The following CSMD3 variants were observed in gnomAD, a reference collection of about 807,000 sequenced individuals.
The protein encoded by CSMD3 is CUB and Sushi multiple domains 3.
A neutral mutation model predicts 435.2 loss-of-function variants in CSMD3; 177 were observed. The observed-to-expected ratio is 0.41, with a 90% CI of 0.36 to 0.46. CSMD3 has a LOEUF of 0.46. Ranked by LOEUF, CSMD3 falls within the 20% of genes least tolerant of loss-of-function variation. CSMD3 has a pLI of 0.34. For synonymous variants in CSMD3, 1,656 were observed against 1,520.5 expected (o/e 1.09, Z -2.07); for missense variants, 4,265 against 4,504.6 (o/e 0.95, Z 1.52).
intron 3 of CSMD3, among the ~76,000 whole-genome samples, chr8:113,206,068 G>A (rs1380365373): frequency 3.3e-5 from 5 of 152,116 alleles, no homozygotes; most frequent in African/African-American, 1.2e-4. Context: ...CACTACAAGG[G>A]TAGAGCTGGT....
At chr8:112,827,459 A>C (rs2079732602) in intron 12 of CSMD3, among the ~76,000 whole-genome samples, 1 of 151,864 alleles carries the variant, frequency 6.6e-6, no homozygotes, top group Non-Finnish European at 1.5e-5. Flanking sequence ...GTTTTTAAGA[A>C]TCTGAACCTA....
chr8:113,154,237 T>C (rs1564371972), intron 4 of CSMD3, among the ~76,000 whole-genome samples: 1 of 152,038 alleles, frequency 6.6e-6, no homozygotes, highest in Non-Finnish European at 1.5e-5. Context: ...GTAGTGTAAT[T>C]ATTTTTTAGT....
At chr8:112,680,259 G>A (rs1448504213) in intron 16 of CSMD3, among the ~76,000 whole-genome samples, 2 of 152,196 alleles carry the variant, frequency 1.3e-5, no homozygotes, top group Non-Finnish European at 2.9e-5. Context: ...TCAGGAGGCT[G>A]AGGCACAAGA....
At chr8:112,239,440 G>A (rs373297124) in intron 66 of CSMD3, among the ~76,000 whole-genome samples, 13 of 151,810 alleles carry the variant, frequency 8.6e-5, no homozygotes, top group African/African-American at 2.4e-5. Flanking sequence ...ATCTTTATCC[G>A]AGTTATTAGA....
chr8:112,833,676 A>G (rs757987597), intron 11 of CSMD3, among the ~76,000 whole-genome samples: 14 of 150,230 alleles, frequency 9.3e-5, no homozygotes, highest in Non-Finnish European at 1.6e-4. Context: ...AATGCTTCCA[A>G]TATATATGTG....
intron 13 of CSMD3, among the ~76,000 whole-genome samples, chr8:112,778,125 C>G (rs911964182): frequency 6.6e-6 from 1 of 151,702 alleles, no homozygotes; most frequent in African/African-American, 2.4e-5. Flanking sequence ...TCATATACTC[C>G]CTGCCCTCCT....
intron 3 of CSMD3, among the ~76,000 whole-genome samples, chr8:113,215,454 T>G (rs117400618): frequency 0.03 from 4,499 of 152,022 alleles, 85 homozygotes; most frequent in Admixed American, 0.04. Flanking sequence ...TCAGTGAAAT[T>G]GCTAATCAAA....
chr8:113,231,247 C>T (rs949926182), intron 3 of CSMD3, among the ~76,000 whole-genome samples: 1 of 151,094 alleles, frequency 6.6e-6, no homozygotes, highest in African/African-American at 2.4e-5. Context: ...TTTTGTTATA[C>T]AGAAACAGAT....
At position 112,552,573 on chromosome 8, in the gene CSMD3, G is replaced by A. The variant is rs200981425; in HGVS notation, c.4361+21C>T. ...GCACTTCAGATTCCCTAGTAATGTT[G>A]AGAAAATGAAATTCATTTACCTGAC... On this transcript the variant is annotated intron_variant, in intron 26 of 70. Transcript: ENST00000297405. 1.1e-5 allele frequency: 18 copies of A among 1,607,906 alleles called. No individual in the cohort carries two copies. In the Middle Eastern group the frequency reaches 5.0e-4, roughly 44 times the overall value.
intron 16 of CSMD3, among the ~76,000 whole-genome samples, chr8:112,678,922 G>T (rs2075824190): frequency 6.6e-6 from 1 of 151,766 alleles, no homozygotes; most frequent in African/African-American, 2.4e-5. Context: ...CTGCGATAGT[G>T]CCCCAAAGAT....
intron 38 of CSMD3, among the ~76,000 whole-genome samples, chr8:112,369,662 T>TGAGAACACATGGACACAGGGAG (rs1397044840): frequency 2.0e-5 from 3 of 151,858 alleles, no homozygotes; most frequent in Non-Finnish European, 4.4e-5. Context: ...AGCTGAACAG[T>TGAGAACACATGGACACAGGGAG]GAGAACACAT....
intron 2 of CSMD3, among the ~76,000 whole-genome samples, chr8:113,278,970 T>A (rs1269947588): frequency 6.6e-6 from 1 of 151,654 alleles, no homozygotes; most frequent in Non-Finnish European, 1.5e-5. Flanking sequence ...ACAACTGATA[T>A]ACAATTCTTT....
At chr8:113,393,896 A>G (rs990047625) in intron 1 of CSMD3, among the ~76,000 whole-genome samples, 3 of 152,006 alleles carry the variant, frequency 2.0e-5, no homozygotes, top group Non-Finnish European at 4.4e-5. Context: ...ATGTGAAAAA[A>G]AGAGAAGAAT....
intron 38 of CSMD3, 115 bp downstream of exon 38, chr8:112,380,237 A>G (rs536681152): frequency 1.7e-6 from 1 of 596,948 alleles, no homozygotes; most frequent in Admixed American, 2.8e-5. Flanking sequence ...TCAAGAAAAT[A>G]AGACAATGTT....
intron 22 of CSMD3, among the ~76,000 whole-genome samples, chr8:112,621,408 T>G (rs1834063402): frequency 6.6e-6 from 1 of 152,114 alleles, no homozygotes; most frequent in African/African-American, 2.4e-5. Flanking sequence ...AACTTTCCCC[T>G]CCAGCTAGCA....
intron 30 of CSMD3, among the ~76,000 whole-genome samples, chr8:112,498,241 A>C (rs1459373336): frequency 2.0e-5 from 3 of 152,114 alleles, no homozygotes; most frequent in Non-Finnish European, 4.4e-5. Flanking sequence ...TACATGCATT[A>C]TCTCTGTCCT....
chr8:112,304,599 A>T (rs1821242905), intron 52 of CSMD3, 122 bp downstream of exon 52: 2 of 763,780 alleles, frequency 2.6e-6, no homozygotes, highest in Non-Finnish European at 4.5e-6. Flanking sequence ...TAACGAGAAT[A>T]AATGACCATA....
intron 10 of CSMD3, among the ~76,000 whole-genome samples, chr8:112,905,321 TACAC>T (rs1554715002): frequency 2.1e-5 from 3 of 145,582 alleles, no homozygotes; most frequent in Admixed American, 6.9e-5. Context: ...TATATATATA[TACAC>T]ACACACACAC....
intron 59 of CSMD3, among the ~76,000 whole-genome samples, chr8:112,266,383 G>A (rs78665140): frequency 0.028 from 4,290 of 152,260 alleles, 89 homozygotes; most frequent in Non-Finnish European, 0.042. Flanking sequence ...GTTGTCAGGA[G>A]CAAAAGGTCT....
Sources: gnomAD v4.1 joint callset for allele counts (sites outside exome capture counted in the v4.1 genomes callset) on GRCh38, gnomAD v4.1.1 for gene constraint, MANE v1.5 for transcripts, NCBI Gene and HGNC (gene_info 2026-07-23, HGNC 2026-07-21) for gene names.